GRIP1: variants seen among roughly 807,000 people sequenced by gnomAD.
GRIP1 encodes glutamate receptor-interacting protein 1.
Under a neutral mutation model 129.9 loss-of-function variants are expected in GRIP1, and 45 were observed. That is an observed-to-expected ratio of 0.35 (90% CI 0.27 to 0.44). The LOEUF is 0.44. Ranked by LOEUF, GRIP1 falls within the 20% of genes least tolerant of loss-of-function variation. The pLI is 1.00. For missense variants in GRIP1, 1,196 were observed against 1,396.8 expected (o/e 0.86, Z 2.29); for synonymous variants, 530 against 520.8 (o/e 1.02, Z -0.24).
intron 1 of GRIP1, among the ~76,000 whole-genome samples, chr12:66,669,856 A>G (rs1434656048): frequency 2.6e-5 from 4 of 152,222 alleles, no homozygotes. Context: ...CACAGAACAT[A>G]AAATGTAGTA....
chr12:66,843,208 T>C (rs751675039), intron 1 of GRIP1, among the ~76,000 whole-genome samples: 9 of 152,146 alleles, frequency 5.9e-5, no homozygotes, highest in Admixed American at 5.9e-4. Flanking sequence ...CTACTTATAA[T>C]AACATCAAGA....
chr12:66,958,081 TG>T (rs1566094661), intron 1 of GRIP1, among the ~76,000 whole-genome samples: 1 of 152,168 alleles, frequency 6.6e-6, no homozygotes, highest in East Asian at 1.9e-4. Context: ...CTTTGGTCAT[TG>T]GGAGCTCTTC....
intron 1 of GRIP1, among the ~76,000 whole-genome samples, chr12:66,723,300 CTTTCTTTTT>C (rs1565988104): frequency 0.083 from 3,524 of 42,316 alleles, 328 homozygotes; most frequent in East Asian, 0.12. Context: ...TTCTTTCTTT[CTTTCTTTTT>C]TTTTTTTTTT....
chr12:66,502,038 CTA>C (rs1324278811), intron 7 of GRIP1, among the ~76,000 whole-genome samples: 2 of 152,084 alleles, frequency 1.3e-5, no homozygotes, highest in South Asian at 2.1e-4. Flanking sequence ...ATTGGTTAAA[CTA>C]TTTTTATTTA....
At chr12:67,017,040 C>T (rs1468383677) in intron 1 of GRIP1, among the ~76,000 whole-genome samples, 1 of 152,174 alleles carries the variant, frequency 6.6e-6, no homozygotes, top group African/African-American at 2.4e-5. Context: ...TGAGCGCTTA[C>T]TCAATTGCAC....
At chr12:66,389,759 C>T (rs2056506806) in intron 19 of GRIP1, among the ~76,000 whole-genome samples, 1 of 152,192 alleles carries the variant, frequency 6.6e-6, no homozygotes, top group African/African-American at 2.4e-5. Flanking sequence ...GCTTGCTTTG[C>T]TCCGGGCTGT....
At chr12:66,695,441 G>A (rs117096478) in intron 1 of GRIP1, among the ~76,000 whole-genome samples, 257 of 152,312 alleles carry the variant, frequency 1.7e-3, no homozygotes, top group Non-Finnish European at 2.5e-3. Flanking sequence ...CACGAGAGGA[G>A]GAGATCCTGT....
intron 1 of GRIP1, among the ~76,000 whole-genome samples, chr12:66,887,678 T>C (rs117012389): frequency 0.011 from 1,667 of 152,336 alleles, 21 homozygotes; most frequent in Non-Finnish European, 0.018. Flanking sequence ...TATTCTAAAA[T>C]ACAAAATCTC....
intron 5 of GRIP1, among the ~76,000 whole-genome samples, chr12:66,522,445 C>A (rs918826576): frequency 7.2e-5 from 11 of 152,216 alleles, no homozygotes; most frequent in Admixed American, 5.9e-4. Flanking sequence ...GGACCTCTAG[C>A]AAACTCCAAC....
chr12:66,874,585 C>G lies in GRIP1; in HGVS notation c.58+194465G>C, dbSNP rs534412446. On this transcript the variant is annotated intron_variant, in intron 1 of 1. Coordinates refer to the GRIP1 transcript ENST00000643019. The stretch of plus-strand genomic sequence containing the variant: ...TTCTGGGGAGGCCTCAGGAAACTTA[C>G]AATCATGGAAGAAGGCGAAGGGAGA... Among the ~76,000 whole-genome samples the G allele has an allele frequency of 1.4e-4, 22 of 152,144 alleles. 1 individual carries two copies. In the South Asian group the frequency reaches 4.4e-3, roughly 30 times the overall value.
chr12:66,879,355 G>C, intron 1 of GRIP1, among the ~76,000 whole-genome samples: 1 of 151,954 alleles, frequency 6.6e-6, no homozygotes, highest in Non-Finnish European at 1.5e-5. Context: ...TGCTACACAG[G>C]AACTCCCTCG....
chr12:66,595,139 A>G (rs1478878183), intron 2 of GRIP1, among the ~76,000 whole-genome samples: 2 of 152,226 alleles, frequency 1.3e-5, no homozygotes, highest in Non-Finnish European at 2.9e-5. Context: ...AAAGGGTTCT[A>G]TCAATGGTCA....
intron 15 of GRIP1, among the ~76,000 whole-genome samples, chr12:66,408,430 T>C (rs965586324): frequency 6.6e-6 from 1 of 152,032 alleles, no homozygotes; most frequent in African/African-American, 2.4e-5. Context: ...AGTGAGCCGA[T>C]TGCACCACTG....
chr12:66,878,067 A>G (rs894583643), intron 1 of GRIP1, among the ~76,000 whole-genome samples: 2 of 152,080 alleles, frequency 1.3e-5, no homozygotes, highest in African/African-American at 2.4e-5. Context: ...ACAAAGGGAT[A>G]TGAATGGCTG....
At chr12:66,811,802 AATTTT>A (rs2039109968) in intron 1 of GRIP1, among the ~76,000 whole-genome samples, 1 of 152,064 alleles carries the variant, frequency 6.6e-6, no homozygotes, top group Admixed American at 6.5e-5. Flanking sequence ...AAAAGCTGAG[AATTTT>A]ATTTATTCAT....
chr12:66,768,690 T>A (rs778615158), intron 1 of GRIP1, among the ~76,000 whole-genome samples: 1 of 152,228 alleles, frequency 6.6e-6, no homozygotes, highest in African/African-American at 2.4e-5. Context: ...AGCTAAACAC[T>A]GGTTATACAC....
intron 5 of GRIP1, among the ~76,000 whole-genome samples, chr12:66,526,299 C>CA (rs1369884163): frequency 6.6e-6 from 1 of 152,038 alleles, no homozygotes; most frequent in Non-Finnish European, 1.5e-5. Context: ...CTACAGTAAC[C>CA]AAAACAGCAT....
At chr12:66,628,016 C>G (rs2030292889) in intron 1 of GRIP1, among the ~76,000 whole-genome samples, 1 of 152,006 alleles carries the variant, frequency 6.6e-6, no homozygotes, top group Non-Finnish European at 1.5e-5. Flanking sequence ...TCTAGTTGTG[C>G]CCAGAGCTGT....
chr12:66,557,532 C>G (rs11504204), intron 2 of GRIP1, among the ~76,000 whole-genome samples: 1 of 152,092 alleles, frequency 6.6e-6, no homozygotes. Flanking sequence ...CTCCTCAGCA[C>G]GTGGATCATC....
Sources: gnomAD v4.1 joint callset for allele counts (sites outside exome capture counted in the v4.1 genomes callset) on GRCh38, gnomAD v4.1.1 for gene constraint, MANE v1.5 for transcripts, NCBI Gene and HGNC (gene_info 2026-07-23, HGNC 2026-07-21) for gene names.